SPMIP2: variants seen among roughly 807,000 people sequenced by gnomAD.
SPMIP2 encodes the protein protein SPMIP2.
chr4:158,933,222 T>G, the SPMIP2 span, among the ~76,000 whole-genome samples: 9 of 152,234 alleles, frequency 5.9e-5, no homozygotes, highest in African/African-American at 2.2e-4. Context: ...CTTAAACTCC[T>G]GACCTCAAGT....
chr4:158,927,671 C>T, the SPMIP2 span, among the ~76,000 whole-genome samples: 38 of 152,328 alleles, frequency 2.5e-4, no homozygotes, highest in African/African-American at 8.2e-4. Flanking sequence ...AGGCCAGAGC[C>T]GGCTCCCTCA....
chr4:159,025,648 G>T, the SPMIP2 span, among the ~76,000 whole-genome samples: 651 of 152,104 alleles, frequency 4.3e-3, 2 homozygotes, highest in African/African-American at 0.015. Flanking sequence ...ATTTTAAGAT[G>T]GTTTTGTGTC....
chr4:158,953,605 C>A, the SPMIP2 span, among the ~76,000 whole-genome samples: 1 of 152,126 alleles, frequency 6.6e-6, no homozygotes, highest in African/African-American at 2.4e-5. Flanking sequence ...TCCTCCAGAC[C>A]CCAGAATGGT....
chr4:159,012,543 A>G, the SPMIP2 span, among the ~76,000 whole-genome samples: 1 of 150,048 alleles, frequency 6.7e-6, no homozygotes, highest in East Asian at 2.0e-4. Flanking sequence ...TAACATGAAT[A>G]ACCTTAGCTA....
At chr4:158,916,670 G>A in the SPMIP2 span, among the ~76,000 whole-genome samples, 1 of 151,856 alleles carries the variant, frequency 6.6e-6, no homozygotes, top group Non-Finnish European at 1.5e-5. Context: ...TAGAGATGGA[G>A]TCTCGCTCTG....
At chr4:158,909,740 AT>A in the SPMIP2 span, among the ~76,000 whole-genome samples, 3 of 151,666 alleles carry the variant, frequency 2.0e-5, no homozygotes, top group African/African-American at 7.3e-5. Context: ...CACCCAGCTA[AT>A]TTTTTTAAAA....
chr4:159,053,358 T>A, the SPMIP2 span, among the ~76,000 whole-genome samples: 1 of 152,126 alleles, frequency 6.6e-6, no homozygotes, highest in African/African-American at 2.4e-5. Flanking sequence ...TACTTGATGC[T>A]CCCCCTTTTA....
the SPMIP2 span, among the ~76,000 whole-genome samples, chr4:159,011,924 G>A: frequency 6.6e-5 from 10 of 151,578 alleles, no homozygotes; most frequent in African/African-American, 1.9e-4. Flanking sequence ...TTAGCTGGGC[G>A]TGGTGGTGTG....
the SPMIP2 span, among the ~76,000 whole-genome samples, chr4:159,059,526 C>A: frequency 6.6e-6 from 1 of 152,164 alleles, no homozygotes; most frequent in African/African-American, 2.4e-5. Flanking sequence ...GTGTGCACCA[C>A]CAAACTCAGA....
At chr4:158,972,452 CATTT>C in the SPMIP2 span, among the ~76,000 whole-genome samples, 1 of 152,140 alleles carries the variant, frequency 6.6e-6, no homozygotes, top group African/African-American at 2.4e-5. Flanking sequence ...ATGATTGATA[CATTT>C]AATTTTCAGA....
the SPMIP2 span, among the ~76,000 whole-genome samples, chr4:158,966,319 T>C: frequency 6.6e-6 from 1 of 152,216 alleles, no homozygotes; most frequent in Admixed American, 6.5e-5. Context: ...ATATGAATAA[T>C]AGGGAAAAAC....
chr4:159,075,774 C>G, the SPMIP2 span, among the ~76,000 whole-genome samples: 1 of 148,920 alleles, frequency 6.7e-6, no homozygotes, highest in South Asian at 2.1e-4. Context: ...TCAAGCAGAA[C>G]ATAATTTGAC....
the SPMIP2 span, chr4:158,973,220 A>G: frequency 6.2e-7 from 1 of 1,613,788 alleles, no homozygotes; most frequent in South Asian, 1.1e-5. Context: ...AATATCTGAG[A>G]TCTCCAGTTT....
chr4:159,069,939 C>T, the SPMIP2 span, among the ~76,000 whole-genome samples: 1 of 152,058 alleles, frequency 6.6e-6, no homozygotes, highest in Admixed American at 6.6e-5. Context: ...GCAGAGATTG[C>T]ATATTTAGTG....
the SPMIP2 span, among the ~76,000 whole-genome samples, chr4:158,943,804 TA>T: frequency 1.0e-4 from 15 of 147,870 alleles, no homozygotes; most frequent in South Asian, 3.3e-3. Flanking sequence ...TCTTGAATCC[TA>T]AAAAAATCCT....
chr4:158,938,425 G>A, the SPMIP2 span, among the ~76,000 whole-genome samples: 1 of 152,178 alleles, frequency 6.6e-6, no homozygotes, highest in African/African-American at 2.4e-5. Flanking sequence ...GACTGTTTTG[G>A]TTTGATTTAT....
the SPMIP2 span, among the ~76,000 whole-genome samples, chr4:158,987,271 C>A: frequency 6.6e-6 from 1 of 151,152 alleles, no homozygotes; most frequent in Non-Finnish European, 1.5e-5. Flanking sequence ...ACCCAGCCAT[C>A]CCATTACTGG....
the SPMIP2 span, among the ~76,000 whole-genome samples, chr4:158,935,935 G>T: frequency 6.6e-6 from 1 of 152,182 alleles, no homozygotes; most frequent in South Asian, 2.1e-4. Context: ...ACCTTTTTGT[G>T]ACTTGAGCTG....
chr4:159,048,926 A>AT, the SPMIP2 span, among the ~76,000 whole-genome samples: 1 of 151,622 alleles, frequency 6.6e-6, no homozygotes, highest in Non-Finnish European at 1.5e-5. Context: ...TAAAGTTAAA[A>AT]TTTTTTTTGA....
Sources: gnomAD v4.1 joint callset for allele counts (sites outside exome capture counted in the v4.1 genomes callset) on GRCh38, gnomAD v4.1.1 for gene constraint, MANE v1.5 for transcripts, NCBI Gene and HGNC (gene_info 2026-07-23, HGNC 2026-07-21) for gene names.